Variants in VGLL2 observed in about 807,000 individuals in gnomAD.
VGLL2 encodes transcription cofactor vestigial-like protein 2.
Under a neutral mutation model 27.0 loss-of-function variants are expected in VGLL2, and 18 were observed. That is an observed-to-expected ratio of 0.67 (90% CI 0.46 to 0.99). The LOEUF is 0.99. Ranked by LOEUF, VGLL2 falls within the 50% of genes least tolerant of loss-of-function variation. The probability of loss-of-function intolerance (pLI) is 0.00; values close to 1 mark genes in which losing one functional copy is unlikely to be tolerated. For synonymous variants in VGLL2, 220 were observed against 201.1 expected (o/e 1.09, Z -0.80); for missense variants, 491 against 452.3 (o/e 1.09, Z -0.78).
Position 117,270,933 on chromosome 6 carries a change from C to T in VGLL2, c.782C>T (p.Ala261Val). ...CGCCTCGCAACCGCCCCGGCGCCCG[C>T]GCCCGGCAGTCCTCCCTGCGAGCTC... ...PARLATAPAP[A>V]PGSPPCELSG... is the part of the protein sequence containing the mutation. Residue 261 changes from alanine (A) to valine (V), a missense_variant, in exon 3 of 4, where the codon GCG (alanine) becomes GTG (valine). Physicochemically the swap from Ala to Val is moderately conservative, Grantham distance 64 (BLOSUM62 0). Coordinates refer to ENST00000326274, the MANE Select transcript of VGLL2 (RefSeq NM_182645.3). The T allele has an allele frequency of 8.1e-7, 1 of 1,241,954 alleles. No homozygotes were observed. Among genetic ancestry groups the T allele is most frequent in the Non-Finnish European group, 1.0e-6 (1 of 998,506 alleles). The allele number at this position is 1,241,954 out of a possible 1,614,324, so 76.9% of individuals were successfully genotyped here. A position where few individuals can be genotyped will look rare whatever the true frequency, so the allele number is the denominator to read the frequency against.
intron 1 of VGLL2, among the ~76,000 whole-genome samples, chr6:117,267,242 G>T (rs706951): frequency 1.3e-5 from 2 of 151,944 alleles, no homozygotes; most frequent in African/African-American, 2.4e-5. Context: ...GGCCATCTCT[G>T]CCTGCAGAAT....
At position 117,270,955 on chromosome 6, in the gene VGLL2, G is replaced by A; in HGVS notation, c.804G>A (p.Glu268=). ...PAPAPGSPPC[E]LSGKGEPAGA... Reference sequence around the variant, plus strand: ...CCGCGCCCGGCAGTCCTCCCTGCGAGCTCTCCGGCAAAGGCGAGCCGGCGG... The same window carrying A: ...CCGCGCCCGGCAGTCCTCCCTGCGAACTCTCCGGCAAAGGCGAGCCGGCGG... Residue 268 remains glutamate, a synonymous_variant, in exon 3 of 4, where the codon GAG becomes GAA. Coordinates refer to ENST00000326274, the MANE Select transcript of VGLL2 (RefSeq NM_182645.3). 8.1e-7 allele frequency: 1 copy of A among 1,237,510 alleles called. No individual in the cohort carries two copies. Among genetic ancestry groups the A allele is most frequent in the Non-Finnish European group, 1.0e-6 (1 of 995,240 alleles). 76.7% of individuals were successfully genotyped at this position (1,237,510 alleles called of 1,614,324 possible). A position where few individuals can be genotyped will look rare whatever the true frequency, so the allele number is the denominator to read the frequency against.
intron 1 of VGLL2, among the ~76,000 whole-genome samples, chr6:117,267,098 G>A (rs1773082638): frequency 6.6e-6 from 1 of 152,052 alleles, no homozygotes; most frequent in South Asian, 2.1e-4. Flanking sequence ...TTCTTCCCAG[G>A]GTGGGACTAT....
chr6:117,272,502 A>G lies in VGLL2; in HGVS notation c.*8A>G, dbSNP rs1187122869. On this transcript the variant is annotated 3_prime_UTR_variant, in exon 4 of 4. Transcript: ENST00000326274. ...GCATCCCTCCTGAGCTGATCTGCTG[A>G]CCCAGGGTTTCCCCTTCCCCTTCCC... 1 of 1,614,018 alleles carries G rather than the reference A, an allele frequency of 6.2e-7. No homozygotes were observed. Among genetic ancestry groups the G allele is most frequent in the South Asian group, 1.1e-5 (1 of 91,070 alleles).
intron 1 of VGLL2, among the ~76,000 whole-genome samples, chr6:117,266,307 A>G (rs1773066816): frequency 6.6e-6 from 1 of 152,224 alleles, no homozygotes; most frequent in African/African-American, 2.4e-5. Flanking sequence ...TCATCCCTGC[A>G]AGTTTATCTC....
At chr6:117,270,515 C>T (rs535171810) in intron 2 of VGLL2, 28 bp from the exon 3 acceptor site, 1 of 1,560,050 alleles carries the variant, frequency 6.4e-7, no homozygotes, top group African/African-American at 1.4e-5. Context: ...TTCCTTTCCT[C>T]CACTCCGCCT....
rs1438290969 is a variant in VGLL2 at position 117,265,763 on chromosome 6, C to G, written c.-1C>G. ...CTTAACCGTCTCCGCTGCGGAGAGT[C>G]ATGAGCTGTCTGGATGTTATGTACC... On this transcript the variant is annotated 5_prime_UTR_variant, in exon 1 of 4. Coordinates refer to ENST00000326274, the MANE Select transcript of VGLL2 (RefSeq NM_182645.3). 1 of 1,613,948 alleles carries G rather than the reference C, an allele frequency of 6.2e-7. No individual in the cohort carries two copies. Among genetic ancestry groups the G allele is most frequent in the Admixed American group, 1.7e-5 (1 of 60,030 alleles).
intron 2 of VGLL2, among the ~76,000 whole-genome samples, chr6:117,269,727 TA>T (rs1773141343): frequency 6.6e-6 from 1 of 152,194 alleles, no homozygotes; most frequent in South Asian, 2.1e-4. Context: ...GCTGTTCTCT[TA>T]AAATGCTGTC....
At position 117,272,509 on chromosome 6, in the gene VGLL2, G is replaced by T; in HGVS notation, c.*15G>T. ...TCCTGAGCTGATCTGCTGACCCAGG[G>T]TTTCCCCTTCCCCTTCCCTTCTGAC... On this transcript the variant is annotated 3_prime_UTR_variant, in exon 4 of 4. Coordinates refer to ENST00000326274, the MANE Select transcript of VGLL2 (RefSeq NM_182645.3). 1 of 1,614,134 alleles carries T rather than the reference G, an allele frequency of 6.2e-7. No homozygotes were observed. Among genetic ancestry groups the T allele is most frequent in the Non-Finnish European group, 8.5e-7 (1 of 1,180,032 alleles).
chr6:117,270,581 T>A lies in VGLL2; in HGVS notation c.430T>A (p.Ser144Thr), dbSNP rs1430103367. The A allele has an allele frequency of 5.0e-6, 8 of 1,598,142 alleles. No individual in the cohort carries two copies. Among genetic ancestry groups the A allele is most frequent in the Non-Finnish European group, 6.8e-6 (8 of 1,174,122 alleles). The change falls in exon 3 of 4, where the codon TCC (serine) becomes ACC (threonine). Residue 144 changes from serine (S) to threonine (T), a missense_variant. Ser to Thr is a moderately conservative substitution (Grantham distance 58). Coordinates refer to ENST00000326274, the MANE Select transcript of VGLL2 (RefSeq NM_182645.3). ...GATGAGCCAGCGCAGCTTCCCCGCC[T>A]CCTTCTGGAATAGCGCGTACCAGGC... ...FPMSQRSFPA[S>T]FWNSAYQAPV... is the part of the protein sequence containing the mutation.
Position 117,272,504 on chromosome 6 carries a change from C to T in VGLL2, c.*10C>T. ...ATCCCTCCTGAGCTGATCTGCTGAC[C>T]CAGGGTTTCCCCTTCCCCTTCCCTT... On this transcript the variant is annotated 3_prime_UTR_variant, in exon 4 of 4. Transcript: ENST00000326274. The T allele has an allele frequency of 1.2e-6, 2 of 1,614,088 alleles. No individual in the cohort carries two copies. The highest frequency in any genetic ancestry group is 1.3e-5 in the African/African-American group (1 of 75,006).
chr6:117,268,129 A>C, intron 1 of VGLL2, 53 bp from the exon 2 acceptor site: 1 of 1,574,200 alleles, frequency 6.4e-7, no homozygotes, highest in Non-Finnish European at 8.7e-7. Flanking sequence ...GTCTGAACCG[A>C]ATTTGCCATC....
chr6:117,269,823 A>G (rs931830628), intron 2 of VGLL2, among the ~76,000 whole-genome samples: 4 of 152,198 alleles, frequency 2.6e-5, no homozygotes, highest in Admixed American at 2.0e-4. Flanking sequence ...ACAAAAGTTA[A>G]TGAAAACTTA....
At position 117,271,296 on chromosome 6, in the gene VGLL2, AAAT is replaced by A. The variant is rs200440828; in HGVS notation, c.913+257_913+259del. Among the ~76,000 whole-genome samples the A allele has an allele frequency of 4.1e-3, 598 of 144,384 alleles. 3 individuals are homozygous for A. The highest frequency in any genetic ancestry group is 0.024 in the Admixed American group (345 of 14,472). The allele number at this position is 144,384 out of a possible 152,430, so 94.7% of individuals were successfully genotyped here. A position where few individuals can be genotyped will look rare whatever the true frequency, so the allele number is the denominator to read the frequency against. ...TGGTAAATGTTACAGAGGACTTTTA[AAAT>A]AATAATAATAATAATAATAATAATG... On this transcript the variant is annotated intron_variant, in intron 3 of 3. Coordinates refer to ENST00000326274, the MANE Select transcript of VGLL2 (RefSeq NM_182645.3).
chr6:117,270,393 GC>G, intron 2 of VGLL2, 149 bp from the exon 3 acceptor site: 4 of 1,005,566 alleles, frequency 4.0e-6, no homozygotes, highest in Non-Finnish European at 5.4e-6. Flanking sequence ...GGCGGGGGCT[GC>G]CCATCAGCCC....
At position 117,271,000 on chromosome 6, in the gene VGLL2, C is replaced by G. The variant is rs1047860099; in HGVS notation, c.849C>G (p.Pro283=). Residue 283 remains proline (P), a synonymous_variant, in exon 3 of 4, where the codon CCC becomes CCG. Coordinates refer to ENST00000326274, the MANE Select transcript of VGLL2 (RefSeq NM_182645.3). ...GEPAGAAWAG[P]GGPFASPSGD... ...CGGCGGGCGCCGCGTGGGCCGGGCC[C>G]GGGGGACCCTTCGCGAGCCCCTCGG... 8.1e-7 allele frequency: 1 copy of G among 1,231,966 alleles called. No individual in the cohort carries two copies. The highest frequency in any genetic ancestry group is 1.0e-6 in the Non-Finnish European group (1 of 990,454). 76.3% of individuals were successfully genotyped at this position (1,231,966 alleles called of 1,614,324 possible).
At chr6:117,271,998 T>A (rs937769602) in intron 3 of VGLL2, among the ~76,000 whole-genome samples, 3 of 152,164 alleles carry the variant, frequency 2.0e-5, no homozygotes, top group Non-Finnish European at 4.4e-5. Context: ...ACTGCCCCTT[T>A]CCTCAAGTGA....
At chr6:117,266,029 G>C (rs1039556368) in intron 1 of VGLL2, among the ~76,000 whole-genome samples, 185 bp downstream of exon 1, 4 of 152,232 alleles carry the variant, frequency 2.6e-5, no homozygotes, top group African/African-American at 9.6e-5. Context: ...AACCCCTTTA[G>C]CTCGCCTGTT....
chr6:117,265,997 C>T (rs1336744613), intron 1 of VGLL2, among the ~76,000 whole-genome samples, 153 bp downstream of exon 1: 1 of 152,226 alleles, frequency 6.6e-6, no homozygotes, highest in East Asian at 1.9e-4. Context: ...GGAGCCGCCC[C>T]CAGTTGGTAG....
Sources: allele counts gnomAD v4.1 joint callset (sites outside exome capture counted in the v4.1 genomes callset), GRCh38; gene constraint gnomAD v4.1.1; transcripts MANE v1.5; gene names NCBI Gene and HGNC (gene_info 2026-07-23, HGNC 2026-07-21).